The following TET3 variants were observed in gnomAD, a reference collection of about 807,000 sequenced individuals.
The protein encoded by TET3 is tet methylcytosine dioxygenase 3.
A neutral mutation model predicts 141.4 loss-of-function variants in TET3; 19 were observed. That is an observed-to-expected ratio of 0.13 (90% CI 0.09 to 0.20). The LOEUF (loss-of-function observed/expected upper bound fraction) is 0.20, where lower values mean the gene tolerates loss of function less well. TET3 is among the 10% of genes least tolerant of loss of function. The pLI, the probability that TET3 is intolerant of heterozygous loss-of-function variation, is 1.00. For synonymous variants in TET3, 1,043 were observed against 980.9 expected, an observed-to-expected ratio of 1.06 and a Z score of -1.18; for missense variants, 1,874 against 2,356.9, an observed-to-expected ratio of 0.80 and a Z score of 4.24.
chr2:74,020,085 T>C (rs549281214), intron 3 of TET3, among the ~76,000 whole-genome samples: 2 of 152,340 alleles, frequency 1.3e-5, no homozygotes, highest in African/African-American at 2.4e-5. Context: ...CCTTTCTTTT[T>C]TCTTCTACTA....
intron 4 of TET3, 102 bp downstream of exon 4, chr2:74,048,513 C>A: frequency 8.1e-7 from 1 of 1,237,846 alleles, no homozygotes; most frequent in Non-Finnish European, 1.1e-6. Flanking sequence ...TTTATTTGTG[C>A]CAACTGCCAC....
chr2:74,120,227 C>A, the TET3 span, among the ~76,000 whole-genome samples: 1 of 152,260 alleles, frequency 6.6e-6, no homozygotes, highest in East Asian at 1.9e-4. Flanking sequence ...CCGCCCAACC[C>A]CGGAGCGCTC....
Position 74,100,944 on chromosome 2 carries a change from G to T in TET3, c.4156G>T (p.Ala1386Ser). 1 of 1,610,846 alleles carries T rather than the reference G, an allele frequency of 6.2e-7. No individual in the cohort carries two copies. Among genetic ancestry groups the T allele is most frequent in the Admixed American group, 1.7e-5 (1 of 59,524 alleles). The change falls in exon 12 of 12, where the codon GCC (alanine) becomes TCC (serine). Residue 1386 changes from alanine (A) to serine (S), a missense_variant. Coordinates refer to ENST00000409262, the MANE Select transcript of TET3 (RefSeq NM_001287491.2). ...AGTGTCCAGGGACCCCTCCCCCTTT[G>T]CCCAGAGCTCCAACTGCTACAACAG... ...HSVSRDPSPFAQSSNCYNRSI... is the reference protein window; with the variant it reads ...HSVSRDPSPFSQSSNCYNRSI...
chr2:73,992,210 CAG>C (rs1383902070), intron 2 of TET3, among the ~76,000 whole-genome samples: 1 of 152,106 alleles, frequency 6.6e-6, no homozygotes, highest in Non-Finnish European at 1.5e-5. Flanking sequence ...CTGGGGAAAA[CAG>C]AGCCAGCCAG....
the TET3 span, among the ~76,000 whole-genome samples, chr2:74,114,610 G>A: frequency 6.6e-6 from 1 of 151,958 alleles, no homozygotes; most frequent in Non-Finnish European, 1.5e-5. Flanking sequence ...CCAGCACTCT[G>A]GGAGACCGAG....
At position 74,072,202 on chromosome 2, in the gene TET3, T is replaced by G. The variant is rs566840990; in HGVS notation, c.2495-1347T>G. Among the ~76,000 whole-genome samples, 4 of 152,352 alleles carry G rather than the reference T, an allele frequency of 2.6e-5. No homozygotes were observed. In the South Asian group the frequency reaches 6.2e-4, roughly 24 times the overall value. On this transcript the variant is annotated intron_variant, in intron 4 of 11. Transcript: ENST00000409262. ...GAATCATACAATGTGTGACCTGTTT[T>G]GTATCTGGCTTCTTAACAAAATGTT... is the stretch of plus-strand genomic sequence containing the variant.
At chr2:74,085,912 C>A (rs550272495) in intron 6 of TET3, among the ~76,000 whole-genome samples, 1 of 152,348 alleles carries the variant, frequency 6.6e-6, no homozygotes, top group East Asian at 1.9e-4. Flanking sequence ...TTCCTTGTCC[C>A]TCAGCCTCAG....
chr2:74,080,563 G>A lies in TET3; in HGVS notation c.2651G>A (p.Ser884Asn). Residue 884 changes from serine to asparagine, a missense_variant, in exon 6 of 12, where the codon AGC becomes AAC. By Grantham distance (46) the Ser-to-Asn change is conservative. Around this residue, in one of 10 missense-constraint regions of TET3, gnomAD observed 126 missense variants for 327.4 expected, o/e 0.38. Coordinates refer to ENST00000409262, the MANE Select transcript of TET3 (RefSeq NM_001287491.2). Reference protein sequence around the residue: ...KVIYTGKEGKSSRGCPIAKWV... With the variant: ...KVIYTGKEGKNSRGCPIAKWV... The stretch of plus-strand genomic sequence containing the variant: ...ATCTACACGGGGAAGGAGGGAAAGA[G>A]CTCCCGCGGTTGCCCCATTGCAAAG... The A allele has an allele frequency of 6.2e-7, 1 of 1,613,352 alleles. No individual in the cohort carries two copies. The highest frequency in any genetic ancestry group is 8.5e-7 in the Non-Finnish European group (1 of 1,179,650).
intron 4 of TET3, among the ~76,000 whole-genome samples, chr2:74,053,453 G>T (rs1287614770): frequency 2.6e-5 from 4 of 152,182 alleles, no homozygotes; most frequent in African/African-American, 7.2e-5. Flanking sequence ...TAGAGATGAG[G>T]AAGGTATCTG....
At position 74,014,346 on chromosome 2, in the gene TET3, G is replaced by A. The variant is rs141307722; in HGVS notation, c.360+11180G>A. ...TGTCTGGAGTTCTTGGAGAGGTTTCGATGATATACCCAGCATGAGAATTCC... is the reference window on the plus strand; with the variant it reads ...TGTCTGGAGTTCTTGGAGAGGTTTCAATGATATACCCAGCATGAGAATTCC... On this transcript the variant is annotated intron_variant, in intron 3 of 11. Coordinates refer to ENST00000409262, the MANE Select transcript of TET3 (RefSeq NM_001287491.2). 7.5e-3 allele frequency among the ~76,000 whole-genome samples: 1,140 copies of A among 152,102 alleles called. 18 individuals are homozygous for A. The highest frequency in any genetic ancestry group is 0.026 in the African/African-American group (1,072 of 41,472).
At chr2:73,984,724 G>C (rs1256250246), upstream of TET3, among the ~76,000 whole-genome samples, 2 of 151,012 alleles carry the variant, frequency 1.3e-5, no homozygotes, top group Non-Finnish European at 3.0e-5. This position sits in a 1 kb window ranked among gnomAD's most constrained non-coding sequence, Gnocchi z 5.6. Flanking sequence ...GCGGCGGCCG[G>C]GCCGGAGCCT....
chr2:74,011,891 AAAAG>A (rs1352472753), intron 3 of TET3, among the ~76,000 whole-genome samples: 127 of 152,170 alleles, frequency 8.3e-4, no homozygotes, highest in Admixed American at 1.2e-3. Flanking sequence ...GGAAAAAAAA[AAAAG>A]AAAGGGAGCA....
At position 74,100,517 on chromosome 2, in the gene TET3, G is replaced by A. The variant is rs1182798196; in HGVS notation, c.3729G>A (p.Leu1243=). The change falls in exon 12 of 12, where the codon CTG becomes CTA. Residue 1243 remains leucine (L), a synonymous_variant. Transcript: ENST00000409262. ...CGGTGGTGGAGAGCTACTCGGTGCT[G>A]GGCAACTGCCGGCCCTCCGACCCTT... ...GNAVVESYSV[L]GNCRPSDPYS... is the part of the protein sequence containing the mutation. 2 of 1,608,694 alleles carry A rather than the reference G, an allele frequency of 1.2e-6. No homozygotes were observed. The highest frequency in any genetic ancestry group is 1.3e-5 in the African/African-American group (1 of 74,934).
chr2:74,118,243 C>T, the TET3 span, among the ~76,000 whole-genome samples: 1 of 151,218 alleles, frequency 6.6e-6, no homozygotes, highest in Non-Finnish European at 1.5e-5. Flanking sequence ...ACCATGGCAC[C>T]CACACGTAGT....
In TET3 at chr2:74,048,226, C is replaced by G; in HGVS notation, c.2309C>G (p.Thr770Ser). ...ESSGAVTVLS[T>S]TCFHSEEGGQ... ...TCGGGGGCTGTGACTGTGCTCTCAA[C>G]CACCTGCTTCCATTCAGAGGAGGGA... Residue 770 changes from threonine to serine, a missense_variant, in exon 4 of 12, where the codon ACC (threonine) becomes AGC (serine). Coordinates refer to ENST00000409262, the MANE Select transcript of TET3 (RefSeq NM_001287491.2). 6.2e-7 allele frequency: 1 copy of G among 1,613,606 alleles called. No individual in the cohort carries two copies. Among genetic ancestry groups the G allele is most frequent in the Non-Finnish European group, 8.5e-7 (1 of 1,179,754 alleles).
At chr2:74,070,451 A>G (rs879512921) in intron 4 of TET3, among the ~76,000 whole-genome samples, 38 of 152,286 alleles carry the variant, frequency 2.5e-4, no homozygotes, top group Non-Finnish European at 4.7e-4. Flanking sequence ...CTCCCACAAC[A>G]CGGAATTATG....
At chr2:73,996,879 A>G (rs1048710354) in intron 2 of TET3, among the ~76,000 whole-genome samples, 4 of 152,228 alleles carry the variant, frequency 2.6e-5, no homozygotes, top group African/African-American at 9.6e-5. Flanking sequence ...TTGTGGGATA[A>G]CTGGCTGACC....
At chr2:74,030,076 T>G (rs888728810) in intron 3 of TET3, among the ~76,000 whole-genome samples, 8 of 151,548 alleles carry the variant, frequency 5.3e-5, no homozygotes, top group African/African-American at 2.0e-4. Flanking sequence ...AGGACTCTGT[T>G]TGTTCACTAC....
the TET3 span, among the ~76,000 whole-genome samples, chr2:74,119,879 C>G: frequency 6.6e-6 from 1 of 152,106 alleles, no homozygotes; most frequent in Admixed American, 6.6e-5. Context: ...TAATATGAAC[C>G]CATGGATTCT....
Sources: gnomAD v4.1 joint callset for allele counts (sites outside exome capture counted in the v4.1 genomes callset) on GRCh38, gnomAD v4.1.1 for gene constraint, gnomAD v4.1.1 regional missense constraint, Gnocchi (gnomAD v3.1) non-coding constraint, MANE v1.5 for transcripts, NCBI Gene and HGNC (gene_info 2026-07-23, HGNC 2026-07-21) for gene names.